MED12: variants seen among roughly 807,000 people sequenced by gnomAD.
MED12 encodes the protein mediator complex subunit 12.
A neutral mutation model predicts 177.7 loss-of-function variants in MED12; 10 were observed. The observed-to-expected ratio is 0.06, with a 90% CI of 0.03 to 0.10. The LOEUF is 0.10. Among genes scored for constraint, MED12 ranks in the 10% least tolerant of loss-of-function variants. The probability of loss-of-function intolerance (pLI) is 1.00; values close to 1 mark genes in which losing one functional copy is unlikely to be tolerated. For synonymous variants in MED12, 641 were observed against 678.4 expected (o/e 0.94, Z 0.86); for missense variants, 867 against 1,780.8 (o/e 0.49, Z 9.23).
At chrX:71,134,241 A>AC in intron 33 of MED12, 116 bp from the exon 34 acceptor site, 1 of 449,191 alleles carries the variant, frequency 2.2e-6, no homozygotes, top group Non-Finnish European at 3.8e-6. Context: ...AAAAAAAAAA[A>AC]AAAAAAAAAA....
At chrX:71,127,837 C>A in intron 21 of MED12, 56 bp from the exon 22 acceptor site, 1 of 930,925 alleles carries the variant, frequency 1.1e-6, no homozygotes, top group Non-Finnish European at 1.5e-6. Context: ...CTGACCATCC[C>A]TCGACCTCAG....
chrX:71,130,158 C>T lies in MED12; in HGVS notation c.3991C>T (p.Leu1331=). 1 of 1,209,947 alleles carries T rather than the reference C, an allele frequency of 8.3e-7. No homozygotes were observed. Among genetic ancestry groups the T allele is most frequent in the Non-Finnish European group, 1.1e-6 (1 of 894,258 alleles). Residue 1331 remains leucine, a synonymous_variant, in exon 28 of 45, where the codon CTG becomes TTG. Coordinates refer to ENST00000374080, the MANE Select transcript of MED12 (RefSeq NM_005120.3). ...MQLICYPHRL[L]DNEDGENPQR... ...GCTCATTTGCTATCCACATCGACTG[C>T]TGGACAATGAGGATGGGGAAAACCC...
intron 28 of MED12, among the ~76,000 whole-genome samples, chrX:71,130,877 A>G (rs1293737768): frequency 8.9e-6 from 1 of 112,374 alleles, no homozygotes; most frequent in East Asian, 2.8e-4. Context: ...TTGAAGAGAG[A>G]TTAGCTAACA....
At chrX:71,139,315 A>G (rs1000702031) in intron 41 of MED12, among the ~76,000 whole-genome samples, 1 of 111,030 alleles carries the variant, frequency 9.0e-6, no homozygotes, top group African/African-American at 3.3e-5. Flanking sequence ...GAGAAGAGGA[A>G]AAGAAAGGGC....
At position 71,118,662 on chromosome X, in the gene MED12, A is replaced by G. The variant is rs1240243960; in HGVS notation, c.-93A>G. The G allele has an allele frequency of 1.7e-5, 14 of 845,341 alleles. No homozygotes were observed. The highest frequency in any genetic ancestry group is 2.2e-5 in the Non-Finnish European group (13 of 583,912). The allele number at this position is 845,341 out of a possible 1,213,427, so 69.7% of individuals were successfully genotyped here. On this transcript the variant is annotated 5_prime_UTR_variant, in exon 1 of 45. Coordinates refer to ENST00000374080, the MANE Select transcript of MED12 (RefSeq NM_005120.3). ...TTGTCTCTCGGCCGCCGTCCTCTCA[A>G]CCACCGCCCCCCTTTTCGGCTCCCT...
Position 71,129,233 on chromosome X carries a change from G to A in MED12, c.3577+18G>A, listed in dbSNP as rs2092310701. On this transcript the variant is annotated intron_variant, in intron 25 of 44. Coordinates refer to ENST00000374080, the MANE Select transcript of MED12 (RefSeq NM_005120.3). ...TGATGGAAGTAAGTGACCCTGATCT[G>A]AACCAGCCAACAGTAGAAAGTGTGG... 1.7e-6 allele frequency: 2 copies of A among 1,188,471 alleles called. No homozygotes were observed. The highest frequency in any genetic ancestry group is 5.9e-5 in the East Asian group (2 of 33,765).
intron 42 of MED12, 79 bp from the exon 43 acceptor site, chrX:71,141,150 TC>T: frequency 8.6e-7 from 1 of 1,163,559 alleles, no homozygotes; most frequent in African/African-American, 1.8e-5. Flanking sequence ...TGCTTCCTCA[TC>T]CCCTGCCCTC....
At chrX:71,132,979 G>A in intron 32 of MED12, 23 bp downstream of exon 32, 1 of 1,136,879 alleles carries the variant, frequency 8.8e-7, no homozygotes, top group African/African-American at 1.8e-5. Context: ...GGGCCATGGA[G>A]GTGGGCAGGA....
chrX:71,118,693 C>A lies in MED12; in HGVS notation c.-62C>A, dbSNP rs769876044. 88 of 1,095,923 alleles carry A rather than the reference C, an allele frequency of 8.0e-5. 2 individuals carry two copies. The South Asian group carries it at 1.7e-3, about 21-fold the overall frequency. The allele number at this position is 1,095,923 out of a possible 1,213,427, so 90.3% of individuals were successfully genotyped here. ...GCCCCCCTTTTCGGCTCCCTCTCCC[C>A]CTTCCCGTTCCCCCAGTCAGCCTGG... is the stretch of plus-strand genomic sequence containing the variant. On this transcript the variant is annotated 5_prime_UTR_variant, in exon 1 of 45. Transcript: ENST00000374080.
chrX:71,129,030 TTGCA>T, intron 24 of MED12, 80 bp from the exon 25 acceptor site: 1 of 745,084 alleles, frequency 1.3e-6, no homozygotes, highest in Non-Finnish European at 2.1e-6. Flanking sequence ...TGCCATACAC[TTGCA>T]TGCATGCAGG....
At chrX:71,141,448 C>A in intron 43 of MED12, 78 bp downstream of exon 43, 1 of 1,121,266 alleles carries the variant, frequency 8.9e-7, no homozygotes, top group Non-Finnish European at 1.2e-6. Flanking sequence ...GGGTTGGGGA[C>A]AGTATGGAAT....
chrX:71,135,203 G>A lies in MED12; in HGVS notation c.4975G>A (p.Asp1659Asn), dbSNP rs1295555725. Residue 1659 changes from aspartate to asparagine, a missense_variant, in exon 36 of 45, where the codon GAT becomes AAT. Physicochemically the swap from Asp to Asn is conservative, Grantham distance 23. Coordinates refer to ENST00000374080, the MANE Select transcript of MED12 (RefSeq NM_005120.3). ...GTGTGAGCCACAGGGCTCCCTTATC[G>A]ATACCAAGGGCAACAAGATTGCTGG... is the stretch of plus-strand genomic sequence containing the variant. Reference protein sequence around the residue: ...ITCEPQGSLIDTKGNKIAGFD... With the variant: ...ITCEPQGSLINTKGNKIAGFD... 8.3e-7 allele frequency: 1 copy of A among 1,211,482 alleles called. No homozygotes were observed.
intron 3 of MED12, 25 bp downstream of exon 3, chrX:71,119,902 A>G (rs2147773831): frequency 2.5e-6 from 3 of 1,209,195 alleles, no homozygotes; most frequent in Non-Finnish European, 2.2e-6. Context: ...CCTGTCCTTC[A>G]GGCCAAGGAG....
intron 7 of MED12, among the ~76,000 whole-genome samples, 174 bp from the exon 8 acceptor site, chrX:71,122,026 C>T (rs1348457716): frequency 8.9e-6 from 1 of 112,190 alleles, no homozygotes; most frequent in Non-Finnish European, 1.9e-5. Flanking sequence ...AATAGTGGGC[C>T]CAAAGCCTTT....
rs1040344310 is a variant in MED12 at position 71,137,870 on chromosome X, C to T, written c.5971C>T (p.Leu1991=). ...NPTLVDPTRH[L]QQRPSGYVHQ... is the part of the protein sequence containing the mutation. ...TACTCTTGTAGATCCTACCCGCCAC[C>T]TGCAACAGCGGCCCAGTGGCTATGT... Residue 1991 remains leucine, a synonymous_variant, in exon 41 of 45, where the codon CTG becomes TTG. Coordinates refer to ENST00000374080, the MANE Select transcript of MED12 (RefSeq NM_005120.3). The T allele has an allele frequency of 6.6e-6, 8 of 1,209,899 alleles. No individual in the cohort carries two copies. The highest frequency in any genetic ancestry group is 8.9e-6 in the Non-Finnish European group (8 of 895,174).
In MED12 at chrX:71,132,133, G is replaced by C; in HGVS notation, c.4180G>C (p.Ala1394Pro). Residue 1394 changes from alanine to proline, a missense_variant, in exon 30 of 45, where the codon GCA becomes CCA. This residue lies in a region of MED12 where 46 missense variants were observed against 71.7 expected (regional missense o/e 0.64). Transcript: ENST00000374080. ...KATIEVFQQSAETGSSSGSTA... is the reference protein window; with the variant it reads ...KATIEVFQQSPETGSSSGSTA... ...CACAATCGAGGTTTTCCAACAGTCA[G>C]CAGAGACAGGGTCATCTTCTGGAAG... 8.3e-7 allele frequency: 1 copy of C among 1,209,921 alleles called. No individual in the cohort carries two copies. The highest frequency in any genetic ancestry group is 2.3e-4 in the Middle Eastern group (1 of 4,350).
intron 17 of MED12, 109 bp from the exon 18 acceptor site, chrX:71,125,927 A>T: frequency 3.9e-6 from 1 of 255,819 alleles, no homozygotes. Flanking sequence ...CCCTCCTTCC[A>T]TCTCTCCCTC....
rs1569480827 is a variant in MED12 at position 71,119,766 on chromosome X, A to G, written c.285A>G (p.Gln95=). ...TLPDTGRRKP[Q]VNQKDNFWLV... The stretch of plus-strand genomic sequence containing the variant: ...CTGACACTGGTCGCAGGAAGCCCCA[A>G]GTGAACCAGAAGGATAACTTCTGGC... The change falls in exon 3 of 45, where the codon CAA becomes CAG. Residue 95 remains glutamine (Q), a synonymous_variant. Transcript: ENST00000374080. 1.7e-6 allele frequency: 2 copies of G among 1,211,086 alleles called. No homozygotes were observed. Among genetic ancestry groups the G allele is most frequent in the Non-Finnish European group, 1.1e-6 (1 of 895,060 alleles).
chrX:71,118,613 G>T lies in MED12; in HGVS notation c.-142G>T. On this transcript the variant is annotated 5_prime_UTR_variant, in exon 1 of 45. An upstream open reading frame in the 5' UTR gains an earlier in-frame stop. Transcript: ENST00000374080. ...CCCTCGGTAGTTTCCGGCAATGGTC[G>T]AGAGTTTCTAACGTGCCCCCTTGTT... is the stretch of plus-strand genomic sequence containing the variant. The T allele has an allele frequency of 1.9e-6, 1 of 535,614 alleles. No individual in the cohort carries two copies. The highest frequency in any genetic ancestry group is 2.5e-5 in the South Asian group (1 of 39,400). The allele number at this position is 535,614 out of a possible 1,213,427, so 44.1% of individuals were successfully genotyped here. A position where few individuals can be genotyped will look rare whatever the true frequency, so the allele number is the denominator to read the frequency against.
Sources: allele counts gnomAD v4.1 joint callset (sites outside exome capture counted in the v4.1 genomes callset), GRCh38; gene constraint gnomAD v4.1.1; regional missense constraint gnomAD v4.1.1; transcripts MANE v1.5; gene names NCBI Gene and HGNC (gene_info 2026-07-23, HGNC 2026-07-21).